MAGI2: variants seen among roughly 807,000 people sequenced by gnomAD.
MAGI2 encodes membrane-associated guanylate kinase, WW and PDZ domain-containing protein 2.
MAGI2 carries 35 observed loss-of-function variants against 133.3 expected under a neutral mutation model. That is an observed-to-expected ratio of 0.26 (90% CI 0.20 to 0.35). MAGI2 has a LOEUF of 0.35. Among genes scored for constraint, MAGI2 ranks in the 10% least tolerant of loss-of-function variants. The probability of loss-of-function intolerance (pLI) is 1.00; values close to 1 mark genes in which losing one functional copy is unlikely to be tolerated. For synonymous variants in MAGI2, 729 were observed against 710.6 expected (o/e 1.03, Z -0.41); for missense variants, 1,636 against 1,863.4 (o/e 0.88, Z 2.25).
chr7:78,278,969 A>G (rs1795303239), intron 9 of MAGI2, among the ~76,000 whole-genome samples: 1 of 152,160 alleles, frequency 6.6e-6, no homozygotes, highest in Admixed American at 6.6e-5. Flanking sequence ...ATCTATTCAA[A>G]CTTATTTATT....
chr7:78,406,024 T>G (rs1308455581), intron 6 of MAGI2, among the ~76,000 whole-genome samples: 1 of 152,030 alleles, frequency 6.6e-6, no homozygotes, highest in Non-Finnish European at 1.5e-5. Flanking sequence ...ACAGAAAAAG[T>G]GCCTGTTTAG....
chr7:78,417,467 G>A (rs143531425), intron 6 of MAGI2, among the ~76,000 whole-genome samples: 61 of 152,052 alleles, frequency 4.0e-4, no homozygotes, highest in Middle Eastern at 3.4e-3. Flanking sequence ...TCACTCCCTC[G>A]TTAGTGCCAC....
intron 1 of MAGI2, among the ~76,000 whole-genome samples, chr7:79,338,245 C>A (rs1840585313): frequency 1.3e-5 from 2 of 152,104 alleles, no homozygotes; most frequent in Non-Finnish European, 2.9e-5. Context: ...GCAGGGGAAG[C>A]TTTGCTGTTG....
chr7:79,325,718 A>C (rs1839641538), intron 1 of MAGI2, among the ~76,000 whole-genome samples: 1 of 152,196 alleles, frequency 6.6e-6, no homozygotes, highest in Non-Finnish European at 1.5e-5. Flanking sequence ...TCCTCATAAA[A>C]GTCCATTTTG....
intron 1 of MAGI2, among the ~76,000 whole-genome samples, chr7:79,230,241 G>T (rs971160002): frequency 6.0e-5 from 9 of 149,674 alleles, no homozygotes; most frequent in Middle Eastern, 3.5e-3. Context: ...GAATAATGCT[G>T]CAATAAACAT....
intron 2 of MAGI2, among the ~76,000 whole-genome samples, chr7:78,909,769 G>A (rs1190864724): frequency 6.6e-6 from 1 of 152,246 alleles, no homozygotes; most frequent in East Asian, 1.9e-4. Context: ...ATTTGACCGA[G>A]TAATCCCATT....
At chr7:78,159,893 C>T in intron 16 of MAGI2, 132 bp downstream of exon 16, 1 of 1,217,154 alleles carries the variant, frequency 8.2e-7, no homozygotes, top group Non-Finnish European at 1.1e-6. Flanking sequence ...TTATTTGTGC[C>T]CACAGCCTGT....
chr7:79,146,684 A>T (rs1166382085), intron 1 of MAGI2, among the ~76,000 whole-genome samples: 2 of 152,196 alleles, frequency 1.3e-5, no homozygotes, highest in African/African-American at 4.8e-5. Flanking sequence ...GTAAGACGTG[A>T]CTTTGCTCCT....
intron 1 of MAGI2, among the ~76,000 whole-genome samples, chr7:79,279,254 A>G (rs1032232848): frequency 2.1e-4 from 32 of 152,028 alleles, no homozygotes; most frequent in Non-Finnish European, 1.2e-4. Context: ...CATCTTGAGT[A>G]TCTTCCTCAT....
chr7:78,304,300 A>T (rs773508131), intron 9 of MAGI2, among the ~76,000 whole-genome samples: 1 of 152,036 alleles, frequency 6.6e-6, no homozygotes, highest in Non-Finnish European at 1.5e-5. Context: ...ATAATCTCCT[A>T]TCACTCTCCT....
At chr7:78,747,963 G>A (rs971811152) in intron 2 of MAGI2, among the ~76,000 whole-genome samples, 6 of 152,078 alleles carry the variant, frequency 3.9e-5, no homozygotes, top group Non-Finnish European at 8.8e-5. Context: ...GAATTCTGTG[G>A]TACTATATGC....
intron 2 of MAGI2, among the ~76,000 whole-genome samples, chr7:78,696,049 C>T (rs1460225966): frequency 7.9e-5 from 12 of 152,306 alleles, no homozygotes; most frequent in Non-Finnish European, 1.2e-4. Flanking sequence ...GATTCTCCCA[C>T]TTCAGCCTCC....
intron 9 of MAGI2, among the ~76,000 whole-genome samples, chr7:78,296,307 T>C (rs1197599566): frequency 6.6e-6 from 1 of 152,216 alleles, no homozygotes; most frequent in Non-Finnish European, 1.5e-5. Flanking sequence ...TCATGTTCCC[T>C]AACCAGCCTG....
intron 21 of MAGI2, among the ~76,000 whole-genome samples, chr7:78,070,174 C>CACAT (rs1321917404): frequency 5.3e-4 from 30 of 56,654 alleles, no homozygotes; most frequent in Non-Finnish European, 8.2e-4. Context: ...CACACACACA[C>CACAT]ATATATATAT....
In MAGI2 at chr7:78,883,428, G is replaced by A. The variant is rs116587980; in HGVS notation, c.418+123662C>T. Among the ~76,000 whole-genome samples, 376 of 152,046 alleles carry A rather than the reference G, an allele frequency of 2.5e-3. 6 individuals are homozygous for A. Among genetic ancestry groups the A allele is most frequent in the African/African-American group, 8.9e-3 (369 of 41,492 alleles). Reference sequence around the variant, plus strand: ...ACAATGCTCATGGATTGAAATAACTGATATCATTAAAATGCTCAAATCAAT... The same window carrying A: ...ACAATGCTCATGGATTGAAATAACTAATATCATTAAAATGCTCAAATCAAT... On this transcript the variant is annotated intron_variant, in intron 2 of 21. Transcript: ENST00000354212.
intron 21 of MAGI2, among the ~76,000 whole-genome samples, chr7:78,064,572 C>T (rs1470851349): frequency 6.6e-6 from 1 of 152,028 alleles, no homozygotes; most frequent in African/African-American, 2.4e-5. Flanking sequence ...GGGTGCTTAG[C>T]CATGGTTGTG....
chr7:78,341,695 A>G (rs1291146324), intron 9 of MAGI2, among the ~76,000 whole-genome samples: 1 of 152,222 alleles, frequency 6.6e-6, no homozygotes, highest in Non-Finnish European at 1.5e-5. Context: ...ACCTGAAGAA[A>G]ACAAGCAATG....
intron 11 of MAGI2, among the ~76,000 whole-genome samples, chr7:78,198,884 T>C (rs1828984086): frequency 6.6e-6 from 1 of 152,216 alleles, no homozygotes; most frequent in Non-Finnish European, 1.5e-5. Flanking sequence ...CCTTTCCAGA[T>C]GGAGAGAATG....
chr7:78,478,702 A>G (rs1446766172), intron 6 of MAGI2, among the ~76,000 whole-genome samples: 2 of 151,958 alleles, frequency 1.3e-5, no homozygotes, highest in African/African-American at 4.8e-5. Flanking sequence ...ACAGACATTC[A>G]CAAAAGACCC....
Sources: allele counts gnomAD v4.1 joint callset (sites outside exome capture counted in the v4.1 genomes callset), GRCh38; gene constraint gnomAD v4.1.1; transcripts MANE v1.5; gene names NCBI Gene and HGNC (gene_info 2026-07-23, HGNC 2026-07-21).